The following MNAT1 variants were observed in gnomAD, a reference collection of about 807,000 sequenced individuals.
The protein encoded by MNAT1 is MNAT1 component of CDK activating kinase, also known as CDK-activating kinase assembly factor MAT1.
A neutral mutation model predicts 42.0 loss-of-function variants in MNAT1; 43 were observed. The ratio of observed to expected loss-of-function variants is 1.02; its 90% CI spans 0.80 to 1.32. MNAT1 has a LOEUF of 1.32. Ranked by LOEUF, MNAT1 falls within the 40% of genes most tolerant of loss-of-function variation. The pLI is 0.00. For synonymous variants in MNAT1, 118 were observed against 120.0 expected, an observed-to-expected ratio of 0.98 and a Z score of 0.11; for missense variants, 306 against 350.4, an observed-to-expected ratio of 0.87 and a Z score of 1.01.
At chr14:60,742,163 G>A (rs1410036572) in intron 1 of MNAT1, among the ~76,000 whole-genome samples, 1 of 151,964 alleles carries the variant, frequency 6.6e-6, no homozygotes, top group Non-Finnish European at 1.5e-5. Flanking sequence ...ACAGGTCACT[G>A]CAACCTTGAA....
At chr14:60,890,301 G>T (rs571907833) in intron 7 of MNAT1, among the ~76,000 whole-genome samples, 65 of 152,144 alleles carry the variant, frequency 4.3e-4, no homozygotes, top group African/African-American at 1.5e-3. Flanking sequence ...ATAAATTTAC[G>T]TACTCATGAT....
intron 7 of MNAT1, among the ~76,000 whole-genome samples, chr14:60,940,825 C>G (rs900457033): frequency 1.3e-5 from 2 of 152,122 alleles, no homozygotes; most frequent in Non-Finnish European, 2.9e-5. Flanking sequence ...CTTATTCCTT[C>G]TCACAAATCT....
At chr14:60,934,630 G>T (rs1381889379) in intron 7 of MNAT1, among the ~76,000 whole-genome samples, 1 of 152,108 alleles carries the variant, frequency 6.6e-6, no homozygotes, top group Non-Finnish European at 1.5e-5. Context: ...TACCATGATT[G>T]TGAGGCCTCC....
At chr14:60,826,127 T>G (rs1181950981) in intron 6 of MNAT1, among the ~76,000 whole-genome samples, 2 of 152,122 alleles carry the variant, frequency 1.3e-5, no homozygotes, top group Non-Finnish European at 2.9e-5. Flanking sequence ...TGAACATATT[T>G]TGATTAGGAA....
intron 1 of MNAT1, among the ~76,000 whole-genome samples, chr14:60,790,383 GT>G (rs2031780468): frequency 6.6e-6 from 1 of 151,114 alleles, no homozygotes; most frequent in Admixed American, 6.6e-5. Flanking sequence ...CTGCCCTATT[GT>G]TTATGTAAAA....
intron 7 of MNAT1, among the ~76,000 whole-genome samples, chr14:60,899,137 A>G (rs1017230677): frequency 2.0e-5 from 3 of 152,022 alleles, no homozygotes; most frequent in African/African-American, 7.2e-5. Flanking sequence ...TTTTATCTTA[A>G]TTTCATGTAG....
chr14:60,966,581 C>T (rs952852179), intron 7 of MNAT1, among the ~76,000 whole-genome samples: 13 of 152,324 alleles, frequency 8.5e-5, no homozygotes, highest in African/African-American at 2.9e-4. Context: ...GGCGAAATCT[C>T]GGCTCACTGC....
At position 60,783,964 on chromosome 14, in the gene MNAT1, G is replaced by T. The variant is rs1379527622; in HGVS notation, c.90-12253G>T. ...TGCACTTCAGCCTCCCAAGTAGCTGGGACTACAGGCCACTATGCCCAGCTA... is the reference window on the plus strand; with the variant it reads ...TGCACTTCAGCCTCCCAAGTAGCTGTGACTACAGGCCACTATGCCCAGCTA... On this transcript the variant is annotated intron_variant, in intron 1 of 7. Transcript: ENST00000261245. Among the ~76,000 whole-genome samples the T allele has an allele frequency of 3.3e-5, 5 of 151,838 alleles. No homozygotes were observed. The East Asian group carries it at 9.7e-4, about 29-fold the overall frequency.
At chr14:60,905,230 C>T (rs1159525727) in intron 7 of MNAT1, among the ~76,000 whole-genome samples, 1 of 151,746 alleles carries the variant, frequency 6.6e-6, no homozygotes, top group African/African-American at 2.4e-5. Context: ...CCAACAATAA[C>T]AGTACATTAT....
At chr14:60,782,473 T>A (rs1322787473) in intron 1 of MNAT1, among the ~76,000 whole-genome samples, 1 of 152,172 alleles carries the variant, frequency 6.6e-6, no homozygotes, top group Non-Finnish European at 1.5e-5. Context: ...GGCCAGCACA[T>A]TTTTCATGGC....
At chr14:60,907,805 A>G (rs1178206082) in intron 7 of MNAT1, among the ~76,000 whole-genome samples, 2 of 150,452 alleles carry the variant, frequency 1.3e-5, no homozygotes, top group East Asian at 3.9e-4. Context: ...AAAAAAAAAA[A>G]GTTGCTAGAA....
chr14:60,950,123 C>T (rs556865852), intron 7 of MNAT1, among the ~76,000 whole-genome samples: 4 of 152,180 alleles, frequency 2.6e-5, no homozygotes, highest in African/African-American at 7.2e-5. Context: ...GATTCAGATT[C>T]TAGTGTATGA....
intron 1 of MNAT1, among the ~76,000 whole-genome samples, chr14:60,771,812 C>T (rs571261766): frequency 1.3e-5 from 2 of 152,136 alleles, no homozygotes; most frequent in Non-Finnish European, 2.9e-5. Flanking sequence ...TGAAGTATTC[C>T]TAATGCCTCA....
intron 1 of MNAT1, among the ~76,000 whole-genome samples, chr14:60,782,307 G>A (rs999143116): frequency 6.6e-6 from 1 of 152,082 alleles, no homozygotes; most frequent in Non-Finnish European, 1.5e-5. Flanking sequence ...TAAGAATACT[G>A]TGGTAGAAAA....
intron 6 of MNAT1, among the ~76,000 whole-genome samples, chr14:60,819,775 G>T (rs2032825749): frequency 6.6e-6 from 1 of 152,098 alleles, no homozygotes; most frequent in Admixed American, 6.6e-5. Flanking sequence ...TTATCCAGCT[G>T]CTTGACATGA....
intron 7 of MNAT1, among the ~76,000 whole-genome samples, chr14:60,913,634 G>A (rs1208382202): frequency 1.3e-5 from 2 of 152,182 alleles, no homozygotes; most frequent in African/African-American, 4.8e-5. Context: ...GGAGGCTGCA[G>A]AACAGTGGAT....
chr14:60,748,929 G>A (rs1314125836), intron 1 of MNAT1, among the ~76,000 whole-genome samples: 1 of 152,028 alleles, frequency 6.6e-6, no homozygotes, highest in East Asian at 1.9e-4. Context: ...ATTTTCATAC[G>A]ACTGGTGGTA....
chr14:60,771,845 G>T (rs1376991748), intron 1 of MNAT1, among the ~76,000 whole-genome samples: 2 of 152,164 alleles, frequency 1.3e-5, no homozygotes, highest in Admixed American at 1.3e-4. Flanking sequence ...TACATGATGG[G>T]CACCTAATGA....
chr14:60,739,043 G>GT (rs1343417446), intron 1 of MNAT1, among the ~76,000 whole-genome samples: 2 of 152,262 alleles, frequency 1.3e-5, no homozygotes, highest in East Asian at 3.9e-4. Context: ...TGGGCCTGGA[G>GT]TATCTGTTTC....
Sources: gnomAD v4.1 joint callset for allele counts (sites outside exome capture counted in the v4.1 genomes callset) on GRCh38, gnomAD v4.1.1 for gene constraint, MANE v1.5 for transcripts, NCBI Gene and HGNC (gene_info 2026-07-23, HGNC 2026-07-21) for gene names.